The following IFI27L1 variants were observed in gnomAD, a reference collection of about 807,000 sequenced individuals.
IFI27L1 encodes interferon alpha inducible protein 27 like 1.
IFI27L1 carries 3 observed loss-of-function variants against 9.2 expected under a neutral mutation model. The observed-to-expected ratio is 0.32, with a 90% CI of 0.15 to 0.84. IFI27L1 has a LOEUF of 0.84. IFI27L1 is among the 40% of genes least tolerant of loss of function. The pLI is 0.56. For missense variants in IFI27L1, 133 were observed against 134.2 expected, an observed-to-expected ratio of 0.99 and a Z score of 0.05; for synonymous variants, 53 against 50.0, an observed-to-expected ratio of 1.06 and a Z score of -0.26.
chr14:94,098,918 C>G lies in IFI27L1; in HGVS notation c.29-1821C>G, dbSNP rs186264675. On this transcript the variant is annotated intron_variant, in intron 2 of 4. Coordinates refer to ENST00000555523, the MANE Select transcript of IFI27L1 (RefSeq NM_206949.3). ...GGGACAAGAAAGCTAGGTAACTGCT[C>G]AAGGTCATGCAGCTCTGAGTCTGGG... is the stretch of plus-strand genomic sequence containing the variant. Among the ~76,000 whole-genome samples the G allele has an allele frequency of 4.6e-5, 7 of 152,334 alleles. No homozygotes were observed. In the East Asian group the frequency reaches 1.3e-3, roughly 29 times the overall value.
At chr14:94,097,645 G>A in intron 2 of IFI27L1, 1 of 702,372 alleles carries the variant, frequency 1.4e-6, no homozygotes, top group Non-Finnish European at 2.6e-6. Context: ...AGCTGCAGAA[G>A]TATGAGGGAT....
intron 2 of IFI27L1, chr14:94,100,360 C>G (rs1886846405): frequency 1.0e-6 from 1 of 985,270 alleles, no homozygotes; most frequent in Admixed American, 6.1e-5. Context: ...GAACTTTGGT[C>G]CCAGCTGCCT....
chr14:94,096,759 G>A (rs1886686554), intron 1 of IFI27L1, 128 bp from the exon 2 acceptor site: 4 of 532,018 alleles, frequency 7.5e-6, no homozygotes, highest in Non-Finnish European at 1.4e-5. Context: ...GTGGGTTTAC[G>A]GGATTATATG....
intron 3 of IFI27L1, chr14:94,101,044 C>A: frequency 1.7e-6 from 1 of 590,092 alleles, no homozygotes; most frequent in Non-Finnish European, 3.0e-6. Context: ...GGAGCAGTCA[C>A]AGCCCGGGAT....
At chr14:94,095,294 C>A (rs1886628074) in intron 1 of IFI27L1, among the ~76,000 whole-genome samples, 1 of 152,182 alleles carries the variant, frequency 6.6e-6, no homozygotes, top group Non-Finnish European at 1.5e-5. Flanking sequence ...GTCTTAGCCT[C>A]CCAAGTAACT....
chr14:94,087,726 G>A (rs1240334729), intron 1 of IFI27L1, among the ~76,000 whole-genome samples: 1 of 151,870 alleles, frequency 6.6e-6, no homozygotes, highest in East Asian at 1.9e-4. Context: ...GTGCCCAGCC[G>A]ATTGTCGTTT....
chr14:94,097,081 C>G (rs1886701254), intron 2 of IFI27L1, 116 bp downstream of exon 2: 3 of 723,120 alleles, frequency 4.1e-6, no homozygotes, highest in South Asian at 2.2e-5. Context: ...GGGAGGCTAT[C>G]CATGGAAAAG....
chr14:94,100,541 G>T, intron 2 of IFI27L1, 198 bp from the exon 3 acceptor site: 7 of 985,432 alleles, frequency 7.1e-6, no homozygotes, highest in Non-Finnish European at 8.4e-6. Flanking sequence ...ACCTGGGGAG[G>T]CTTCCTGCAG....
At chr14:94,094,076 AC>A (rs1886581747) in intron 1 of IFI27L1, among the ~76,000 whole-genome samples, 1 of 152,026 alleles carries the variant, frequency 6.6e-6, no homozygotes, top group Admixed American at 6.6e-5. Context: ...CTGCACCCCA[AC>A]CCCAGTCCTG....
chr14:94,102,564 G>A lies in IFI27L1; in HGVS notation c.311G>A (p.Ser104Asn). Residue 104 changes from serine to asparagine, a missense_variant, in exon 5 of 5, where the codon AGC becomes AAC. Coordinates refer to ENST00000555523, the MANE Select transcript of IFI27L1 (RefSeq NM_206949.3). Reference sequence around the variant, plus strand: ...GCCTGGCTGGGTTCACCCCCTTCCAGCTGAACACCACACTGAGGCAGGGAG... The same window carrying A: ...GCCTGGCTGGGTTCACCCCCTTCCAACTGAACACCACACTGAGGCAGGGAG... ...LGAWLGSPPS[S>N] 6.5e-7 allele frequency: 1 copy of A among 1,549,766 alleles called. No individual in the cohort carries two copies. Among genetic ancestry groups the A allele is most frequent in the Non-Finnish European group, 8.7e-7 (1 of 1,147,518 alleles).
At chr14:94,099,852 T>TTCTTA (rs373810498) in intron 2 of IFI27L1, among the ~76,000 whole-genome samples, 93,130 of 151,620 alleles carry the variant, frequency 0.61, 29,911 homozygotes, top group East Asian at 0.95. Flanking sequence ...TAGGACAGAA[T>TTCTTA]GCTAATAGAA....
intron 1 of IFI27L1, among the ~76,000 whole-genome samples, chr14:94,084,046 T>C (rs1886198899): frequency 6.6e-6 from 1 of 152,116 alleles, no homozygotes; most frequent in African/African-American, 2.4e-5. Flanking sequence ...AGTGGAAACA[T>C]AGGTATTTTT....
At chr14:94,100,821 A>C (rs1319484454) in intron 3 of IFI27L1, 50 bp downstream of exon 3, 4 of 1,600,382 alleles carry the variant, frequency 2.5e-6, no homozygotes, top group Non-Finnish European at 8.6e-7. Flanking sequence ...GCCTCCCCCC[A>C]GCCCTGAGCC....
In IFI27L1 at chr14:94,101,724, AC is replaced by A; in HGVS notation, c.62-86del. 3.7e-6 allele frequency: 5 copies of A among 1,358,414 alleles called. No individual in the cohort carries two copies. In the South Asian group the frequency reaches 6.3e-5, roughly 17 times the overall value. 84.1% of individuals were successfully genotyped at this position (1,358,414 alleles called of 1,614,324 possible). A position where few individuals can be genotyped will look rare whatever the true frequency, so the allele number is the denominator to read the frequency against. On this transcript the variant is annotated intron_variant, in intron 3 of 4. Coordinates refer to ENST00000555523, the MANE Select transcript of IFI27L1 (RefSeq NM_206949.3). ...TCAGTCTTTCCTGAGAGCACAGCAG[AC>A]CCCTCCTCCTCATCGCCCCAGGAGG...
chr14:94,084,491 C>T (rs1567065806), intron 1 of IFI27L1, among the ~76,000 whole-genome samples: 1 of 151,990 alleles, frequency 6.6e-6, no homozygotes, highest in East Asian at 1.9e-4. Flanking sequence ...ACCAAAGGGA[C>T]CGAGGGGTTG....
At chr14:94,090,917 C>T (rs747186482) in intron 1 of IFI27L1, among the ~76,000 whole-genome samples, 1 of 152,170 alleles carries the variant, frequency 6.6e-6, no homozygotes, top group Non-Finnish European at 1.5e-5. Flanking sequence ...AGCAAATATA[C>T]TCCAAATTTT....
Position 94,102,358 on chromosome 14 carries a change from C to T in IFI27L1, c.224-119C>T, listed in dbSNP as rs1248108326. 1.6e-5 allele frequency: 10 copies of T among 616,088 alleles called. No individual in the cohort carries two copies. The East Asian group carries it at 2.8e-4, about 17-fold the overall frequency. The allele number at this position is 616,088 out of a possible 1,614,324, so 38.2% of individuals were successfully genotyped here. A position where few individuals can be genotyped will look rare whatever the true frequency, so the allele number is the denominator to read the frequency against. On this transcript the variant is annotated intron_variant, in intron 4 of 4. Transcript: ENST00000555523. ...GGTTTTAGGAAGCAGAGGTGGGGAA[C>T]AGGGTTGGACTGCCTGGGCCTCAGG...
chr14:94,085,405 T>C (rs542703895), intron 1 of IFI27L1, among the ~76,000 whole-genome samples: 8 of 152,356 alleles, frequency 5.3e-5, no homozygotes, highest in African/African-American at 1.9e-4. Context: ...GCATGTAAAC[T>C]TCTTGCTGCA....
At position 94,102,554 on chromosome 14, in the gene IFI27L1, C is replaced by T. The variant is rs758062938; in HGVS notation, c.301C>T (p.Pro101Ser). The T allele has an allele frequency of 2.6e-6, 4 of 1,567,186 alleles. No homozygotes were observed. The highest frequency in any genetic ancestry group is 2.4e-5 in the East Asian group (1 of 41,570). The stretch of plus-strand genomic sequence containing the variant: ...AGCTCTTGGGGCCTGGCTGGGTTCA[C>T]CCCCTTCCAGCTGAACACCACACTG... ...GTALGAWLGS[P>S]PSS The change falls in exon 5 of 5, where the codon CCC (proline) becomes TCC (serine). Residue 101 changes from proline (P) to serine (S), a missense_variant. Coordinates refer to ENST00000555523, the MANE Select transcript of IFI27L1 (RefSeq NM_206949.3).
Sources: gnomAD v4.1 joint callset for allele counts (sites outside exome capture counted in the v4.1 genomes callset) on GRCh38, gnomAD v4.1.1 for gene constraint, MANE v1.5 for transcripts, NCBI Gene and HGNC (gene_info 2026-07-23, HGNC 2026-07-21) for gene names.